Variants in CCSER1 observed in about 807,000 individuals in gnomAD.
CCSER1 encodes coiled-coil serine rich protein 1.
A neutral mutation model predicts 82.0 loss-of-function variants in CCSER1; 41 were observed. The ratio of observed to expected loss-of-function variants is 0.50; its 90% CI spans 0.39 to 0.65. CCSER1 has a LOEUF of 0.65. Ranked by LOEUF, CCSER1 falls within the 30% of genes least tolerant of loss-of-function variation. CCSER1 has a pLI of 0.00. For missense variants in CCSER1, 1,119 were observed against 1,064.2 expected (o/e 1.05, Z -0.72); for synonymous variants, 414 against 383.9 (o/e 1.08, Z -0.92).
chr4:90,413,091 A>G (rs1019209264), intron 4 of CCSER1, among the ~76,000 whole-genome samples: 2 of 152,220 alleles, frequency 1.3e-5, no homozygotes, highest in Non-Finnish European at 2.9e-5. Context: ...AAATGAATTT[A>G]GCAAAGTTTC....
chr4:90,957,694 C>G (rs1001056092), intron 9 of CCSER1, among the ~76,000 whole-genome samples: 1 of 78,792 alleles, frequency 1.3e-5, no homozygotes, highest in Non-Finnish European at 2.4e-5. Flanking sequence ...TGTATAATTT[C>G]ATGGTGTATA....
intron 1 of CCSER1, among the ~76,000 whole-genome samples, chr4:90,298,128 T>G (rs940002265): frequency 1.3e-5 from 2 of 152,146 alleles, no homozygotes; most frequent in African/African-American, 4.8e-5. Context: ...GGTCCTGGAC[T>G]CTTTTTGGTT....
intron 8 of CCSER1, among the ~76,000 whole-genome samples, chr4:90,891,953 C>G (rs1013205900): frequency 6.6e-6 from 1 of 152,054 alleles, no homozygotes; most frequent in Non-Finnish European, 1.5e-5. Flanking sequence ...GTAGTCTACA[C>G]TGCTAAACCA....
At chr4:90,683,733 T>A (rs1734300267) in intron 6 of CCSER1, among the ~76,000 whole-genome samples, 1 of 152,088 alleles carries the variant, frequency 6.6e-6, no homozygotes, top group Non-Finnish European at 1.5e-5. Flanking sequence ...CATACCTATT[T>A]AAATCAAGAA....
At chr4:91,252,614 A>AT (rs1319602296) in intron 10 of CCSER1, among the ~76,000 whole-genome samples, 3 of 152,168 alleles carry the variant, frequency 2.0e-5, no homozygotes, top group African/African-American at 7.2e-5. Context: ...TAGAAGAATT[A>AT]TTTTTTAATA....
At chr4:90,643,068 TA>T (rs999478340) in intron 6 of CCSER1, among the ~76,000 whole-genome samples, 12 of 151,948 alleles carry the variant, frequency 7.9e-5, no homozygotes, top group African/African-American at 1.7e-4. Flanking sequence ...GTGGAGTGTT[TA>T]AAAAAAATAA....
At chr4:91,345,543 T>C (rs1747998219) in intron 10 of CCSER1, among the ~76,000 whole-genome samples, 1 of 147,734 alleles carries the variant, frequency 6.8e-6, no homozygotes, top group East Asian at 1.9e-4. Flanking sequence ...TTTGTGTAGT[T>C]ATAATTTATT....
chr4:91,034,553 A>C (rs28582898), intron 9 of CCSER1, among the ~76,000 whole-genome samples: 1 of 151,818 alleles, frequency 6.6e-6, no homozygotes, highest in Non-Finnish European at 1.5e-5. Context: ...ACCCCCCCCA[A>C]TTGAAGCACT....
chr4:91,367,317 CAAAAAA>C (rs557952182), intron 10 of CCSER1, among the ~76,000 whole-genome samples: 2 of 75,034 alleles, frequency 2.7e-5, no homozygotes, highest in Admixed American at 1.6e-4. Context: ...ATCCTGTCTC[CAAAAAA>C]AAAAAAAAAA....
intron 7 of CCSER1, among the ~76,000 whole-genome samples, chr4:90,764,529 T>C (rs1184226855): frequency 2.6e-5 from 4 of 152,168 alleles, no homozygotes; most frequent in Non-Finnish European, 5.9e-5. Context: ...TTTTGGAGTA[T>C]AGGCTGCATG....
At chr4:91,365,099 G>A (rs1749519224) in intron 10 of CCSER1, among the ~76,000 whole-genome samples, 1 of 152,030 alleles carries the variant, frequency 6.6e-6, no homozygotes, top group African/African-American at 2.4e-5. Flanking sequence ...TTTAGGTAAT[G>A]GTGCATTTCT....
chr4:90,467,371 G>A (rs1486975178), intron 4 of CCSER1, among the ~76,000 whole-genome samples: 1 of 151,328 alleles, frequency 6.6e-6, no homozygotes, highest in Non-Finnish European at 1.5e-5. Context: ...GTGACAGAGC[G>A]AGACTCCTTC....
chr4:90,648,284 G>GGAAAGAAAGAAA (rs564907502), intron 6 of CCSER1, among the ~76,000 whole-genome samples: 3,064 of 89,820 alleles, frequency 0.034, 85 homozygotes, highest in East Asian at 0.061. Flanking sequence ...GAGAAAGAAA[G>GGAAAGAAAGAAA]GAAAGAAAGA....
chr4:91,541,245 T>C (rs919245710), intron 10 of CCSER1, among the ~76,000 whole-genome samples: 1 of 152,166 alleles, frequency 6.6e-6, no homozygotes, highest in Admixed American at 6.6e-5. Flanking sequence ...TTTTTAAGTA[T>C]ACTTTTAAAT....
At chr4:90,205,856 T>A (rs888790059) in intron 1 of CCSER1, among the ~76,000 whole-genome samples, 4 of 152,176 alleles carry the variant, frequency 2.6e-5, no homozygotes, top group Non-Finnish European at 5.9e-5. Context: ...AGGCTATTAA[T>A]TACTGCCTCA....
At chr4:90,618,396 A>G (rs1721693830) in intron 5 of CCSER1, among the ~76,000 whole-genome samples, 1 of 151,946 alleles carries the variant, frequency 6.6e-6, no homozygotes, top group South Asian at 2.1e-4. Flanking sequence ...TTATAACACA[A>G]ATTATCAGAA....
At chr4:90,540,893 C>G (rs1476637889) in intron 5 of CCSER1, among the ~76,000 whole-genome samples, 1 of 152,042 alleles carries the variant, frequency 6.6e-6, no homozygotes, top group Non-Finnish European at 1.5e-5. Flanking sequence ...AGTAAGCAAT[C>G]AATAAAATTG....
In CCSER1 at chr4:91,237,700, G is replaced by GGA. The variant is rs562511515; in HGVS notation, c.2217+151719_2217+151720dup. On this transcript the variant is annotated intron_variant, in intron 10 of 10. Coordinates refer to ENST00000509176, the MANE Select transcript of CCSER1 (RefSeq NM_001145065.2). ...AGGTTCAGGGCAAACTCTAGATTGGGGAGAGAGAGAGAGACAGAGACTGAC... is the reference window on the plus strand; with the variant it reads ...AGGTTCAGGGCAAACTCTAGATTGGGGAGAGAGAGAGAGAGACAGAGACTGAC... Among the ~76,000 whole-genome samples the GGA allele has an allele frequency of 3.7e-3, 566 of 151,836 alleles. 1 individual carries two copies. The highest frequency in any genetic ancestry group is 5.4e-3 in the Admixed American group (82 of 15,258).
At chr4:90,948,769 ACTTCT>A (rs1490193087) in intron 9 of CCSER1, among the ~76,000 whole-genome samples, 1 of 151,820 alleles carries the variant, frequency 6.6e-6, no homozygotes, top group Non-Finnish European at 1.5e-5. Context: ...TCTCAGTCAG[ACTTCT>A]CTAGGAATTC....
Sources: allele counts gnomAD v4.1 joint callset (sites outside exome capture counted in the v4.1 genomes callset), GRCh38; gene constraint gnomAD v4.1.1; transcripts MANE v1.5; gene names NCBI Gene and HGNC (gene_info 2026-07-23, HGNC 2026-07-21).